The following TMPRSS15 variants were observed in gnomAD, a reference collection of about 807,000 sequenced individuals.
TMPRSS15 encodes the protein enteropeptidase.
Under a neutral mutation model 125.3 loss-of-function variants are expected in TMPRSS15, and 128 were observed. The observed-to-expected ratio is 1.02, with a 90% confidence interval of 0.89 to 1.18. The LOEUF (loss-of-function observed/expected upper bound fraction) is 1.18. Ranked by LOEUF, TMPRSS15 falls within the 50% of genes most tolerant of loss-of-function variation. The probability of loss-of-function intolerance (pLI) is 0.00; values close to 1 mark genes in which losing one functional copy is unlikely to be tolerated. For missense variants in TMPRSS15, 1,283 were observed against 1,212.7 expected (o/e 1.06, Z -0.86); for synonymous variants, 446 against 423.2 (o/e 1.05, Z -0.66).
chr21:18,354,068 T>G (rs1314556851), intron 8 of TMPRSS15, among the ~76,000 whole-genome samples: 1 of 151,788 alleles, frequency 6.6e-6, no homozygotes, highest in Non-Finnish European at 1.5e-5. Flanking sequence ...AAGCCTCAAA[T>G]TATTATACAT....
chr21:18,286,682 T>C (rs1171963282), intron 21 of TMPRSS15, among the ~76,000 whole-genome samples: 1 of 152,222 alleles, frequency 6.6e-6, no homozygotes, highest in Non-Finnish European at 1.5e-5. Context: ...TGATTTCACG[T>C]TTGCTCCTCC....
rs774115229 is a variant in TMPRSS15 at position 18,329,171 on chromosome 21, A to G, written c.1778T>C (p.Leu593Ser). 2.1e-5 allele frequency: 34 copies of G among 1,612,620 alleles called. No homozygotes were observed. The highest frequency in any genetic ancestry group is 2.7e-5 in the Non-Finnish European group (32 of 1,178,984). The stretch of plus-strand genomic sequence containing the variant: ...CAATATTCAGATTGCAGACTTACCT[A>G]AGAGCAAGGAATCAGCTTCTTCACC... ...RDGEEADSLL[L>S]AVYTGPGPVK... Residue 593 changes from leucine to serine, a missense_variant and splice_region_variant, in exon 15 of 25, where the codon TTA becomes TCA. Transcript: ENST00000284885.
chr21:18,480,530 A>C (rs79444512), intron 1 of TMPRSS15, among the ~76,000 whole-genome samples: 3,615 of 151,888 alleles, frequency 0.024, 158 homozygotes, highest in African/African-American at 0.081. Context: ...CAAAACCGGC[A>C]AGTTTAGTTT....
chr21:18,455,987 T>A (rs1434425602), intron 1 of TMPRSS15, among the ~76,000 whole-genome samples: 2 of 152,154 alleles, frequency 1.3e-5, no homozygotes, highest in Non-Finnish European at 2.9e-5. Context: ...ACTAAACCAA[T>A]GCTCTTGCAA....
chr21:18,389,830 C>T (rs547827623), intron 3 of TMPRSS15, among the ~76,000 whole-genome samples: 3 of 152,148 alleles, frequency 2.0e-5, no homozygotes, highest in South Asian at 2.1e-4. Context: ...TGTGATGATC[C>T]GATACCAATT....
At chr21:18,406,860 C>T (rs1443651238), upstream of TMPRSS15, among the ~76,000 whole-genome samples, 1 of 151,678 alleles carries the variant, frequency 6.6e-6, no homozygotes, top group Non-Finnish European at 1.5e-5. Flanking sequence ...ATTGTAAGCC[C>T]TACAAAATAT....
chr21:18,373,621 T>C (rs998233972), intron 5 of TMPRSS15, among the ~76,000 whole-genome samples: 1 of 152,204 alleles, frequency 6.6e-6, no homozygotes, highest in Non-Finnish European at 1.5e-5. Context: ...TACTTAAAAC[T>C]GTGTCTTATT....
chr21:18,442,068 T>C (rs1353782528), intron 1 of TMPRSS15, among the ~76,000 whole-genome samples: 1 of 152,184 alleles, frequency 6.6e-6, no homozygotes, highest in East Asian at 1.9e-4. Flanking sequence ...TCATTCCTCC[T>C]CTTCTTTCAT....
chr21:18,288,666 G>A (rs899367316), intron 21 of TMPRSS15, among the ~76,000 whole-genome samples: 5 of 148,834 alleles, frequency 3.4e-5, no homozygotes, highest in East Asian at 2.0e-4. Flanking sequence ...TCAGCCTCCC[G>A]AGTAGCTGGG....
At chr21:18,278,697 G>T (rs1028806761) in intron 23 of TMPRSS15, among the ~76,000 whole-genome samples, 1 of 152,100 alleles carries the variant, frequency 6.6e-6, no homozygotes, top group Non-Finnish European at 1.5e-5. Flanking sequence ...ACTCCAGCCC[G>T]GGCCACATTG....
chr21:18,281,998 A>T (rs113036589), intron 21 of TMPRSS15, among the ~76,000 whole-genome samples: 10,249 of 148,836 alleles, frequency 0.069, 999 homozygotes, highest in African/African-American at 0.22. Flanking sequence ...TTCGGGGGGC[A>T]GAGGCAGGAG....
At chr21:18,443,247 G>A (rs995867587) in intron 1 of TMPRSS15, among the ~76,000 whole-genome samples, 1 of 152,146 alleles carries the variant, frequency 6.6e-6, no homozygotes, top group Non-Finnish European at 1.5e-5. Context: ...AGAACAGAGG[G>A]GCTGGTGAAC....
chr21:18,466,961 T>C (rs1055711827), intron 1 of TMPRSS15, among the ~76,000 whole-genome samples: 1 of 152,152 alleles, frequency 6.6e-6, no homozygotes, highest in African/African-American at 2.4e-5. Context: ...CATGCACATG[T>C]ATGTTTATTG....
At chr21:18,341,003 C>T (rs1319856241) in intron 13 of TMPRSS15, among the ~76,000 whole-genome samples, 1 of 152,098 alleles carries the variant, frequency 6.6e-6, no homozygotes, top group Non-Finnish European at 1.5e-5. Flanking sequence ...AAATAAATAA[C>T]AGTAGGTTGA....
At chr21:18,288,253 A>G (rs1010990776) in intron 21 of TMPRSS15, among the ~76,000 whole-genome samples, 1 of 152,180 alleles carries the variant, frequency 6.6e-6, no homozygotes, top group Admixed American at 6.5e-5. Context: ...AATTTCAAAT[A>G]TTCCCACTTA....
Position 18,275,279 on chromosome 21 carries a change from C to T in TMPRSS15, c.2822G>A (p.Cys941Tyr). 1 of 1,614,070 alleles carries T rather than the reference C, an allele frequency of 6.2e-7. No individual in the cohort carries two copies. Among genetic ancestry groups the T allele is most frequent in the Non-Finnish European group, 8.5e-7 (1 of 1,179,994 alleles). The change falls in exon 24 of 25, where the codon TGC becomes TAC. Residue 941 changes from cysteine to tyrosine, a missense_variant. Physicochemically the swap from Cys to Tyr is radical, Grantham distance 194. Coordinates refer to ENST00000284885, the MANE Select transcript of TMPRSS15 (RefSeq NM_002772.3). ...ADVPLLSNERCQQQMPEYNIT... is the reference protein window; with the variant it reads ...ADVPLLSNERYQQQMPEYNIT... ...GTTATATTCTGGCATCTGCTGTTGG[C>T]ATCTCTCATTTGATAGAAGAGGAAC... is the stretch of plus-strand genomic sequence containing the variant.
intron 1 of TMPRSS15, among the ~76,000 whole-genome samples, chr21:18,414,074 T>G (rs1389503603): frequency 2.6e-5 from 4 of 152,340 alleles, no homozygotes; most frequent in African/African-American, 9.6e-5. Flanking sequence ...ACTTAAGGAA[T>G]GCATAGAAAC....
intron 7 of TMPRSS15, 41 bp from the exon 8 acceptor site, chr21:18,359,904 G>T: frequency 1.0e-6 from 1 of 959,036 alleles, no homozygotes; most frequent in Non-Finnish European, 1.7e-6. Context: ...ATTTTTAACA[G>T]TTGTCATATT....
chr21:18,406,580 G>A (rs1456534182), upstream of TMPRSS15, among the ~76,000 whole-genome samples: 2 of 152,122 alleles, frequency 1.3e-5, no homozygotes, highest in Admixed American at 1.3e-4. Context: ...TCTATAGGTG[G>A]TCAATGTTAG....
Sources: allele counts gnomAD v4.1 joint callset (sites outside exome capture counted in the v4.1 genomes callset), GRCh38; gene constraint gnomAD v4.1.1; transcripts MANE v1.5; gene names NCBI Gene and HGNC (gene_info 2026-07-23, HGNC 2026-07-21).